Variants in DPH6 observed in about 807,000 individuals in gnomAD.
DPH6 encodes the protein diphthine--ammonia ligase.
Under a neutral mutation model 38.2 loss-of-function variants are expected in DPH6, and 33 were observed. The observed-to-expected ratio is 0.86, with a 90% CI of 0.65 to 1.15. The LOEUF is 1.15. Among genes scored for constraint, DPH6 ranks in the 50% most tolerant of loss-of-function variants. The pLI is 0.00. For missense variants in DPH6, 325 were observed against 320.0 expected (o/e 1.02, Z -0.12); for synonymous variants, 108 against 103.0 (o/e 1.05, Z -0.30).
chr15:35,289,276 G>C (rs546815371), intron 3 of DPH6, among the ~76,000 whole-genome samples: 13 of 152,230 alleles, frequency 8.5e-5, no homozygotes, highest in African/African-American at 3.1e-4. Flanking sequence ...TGGCCACATT[G>C]CTGAAATAAA....
intron 3 of DPH6, among the ~76,000 whole-genome samples, chr15:35,468,414 T>G (rs187464135): frequency 2.3e-3 from 355 of 152,312 alleles, no homozygotes; most frequent in African/African-American, 8.0e-3. Context: ...AGCCTCTGCC[T>G]CATAGTGCTT....
intron 3 of DPH6, among the ~76,000 whole-genome samples, chr15:35,295,664 C>T (rs763426279): frequency 3.3e-5 from 5 of 152,150 alleles, no homozygotes; most frequent in Non-Finnish European, 7.4e-5. Context: ...CACCCCACAC[C>T]AATCACTCAT....
intron 4 of DPH6, among the ~76,000 whole-genome samples, chr15:35,451,598 C>T (rs1049478214): frequency 1.3e-5 from 2 of 152,196 alleles, no homozygotes; most frequent in Admixed American, 6.5e-5. Context: ...AACACCACTG[C>T]TAACAACCTC....
At chr15:35,525,386 T>C (rs1043431874) in intron 3 of DPH6, among the ~76,000 whole-genome samples, 5 of 152,150 alleles carry the variant, frequency 3.3e-5, no homozygotes, top group Non-Finnish European at 7.4e-5. Flanking sequence ...GATCTTAATG[T>C]CTTCCTTGAG....
At chr15:35,545,004 T>C (rs1317031167) in intron 1 of DPH6, among the ~76,000 whole-genome samples, 2 of 152,174 alleles carry the variant, frequency 1.3e-5, no homozygotes, top group Non-Finnish European at 2.9e-5. Context: ...TATGGTCTAG[T>C]CTCCTAAAAA....
intron 3 of DPH6, among the ~76,000 whole-genome samples, chr15:35,468,920 T>G (rs771205691): frequency 1.3e-5 from 2 of 152,102 alleles, no homozygotes; most frequent in African/African-American, 2.4e-5. Context: ...GTACGAAAAT[T>G]AGCTGGGCAT....
At chr15:35,283,020 C>T (rs1223528702) in intron 3 of DPH6, 3 of 210,822 alleles carry the variant, frequency 1.4e-5, no homozygotes, top group African/African-American at 4.8e-5. Context: ...CTTCCTCTTC[C>T]TCTTCTTCCT....
chr15:35,538,786 T>C (rs970981274), intron 2 of DPH6, among the ~76,000 whole-genome samples: 23 of 152,154 alleles, frequency 1.5e-4, no homozygotes, highest in African/African-American at 5.5e-4. Flanking sequence ...GATTAGTTTA[T>C]TCAGTTAAAT....
the DPH6 span, among the ~76,000 whole-genome samples, chr15:35,147,236 C>T: frequency 1.3e-5 from 2 of 152,054 alleles, no homozygotes; most frequent in South Asian, 4.1e-4. Flanking sequence ...TAGAAATTGC[C>T]CAAAGTCTTG....
At chr15:35,261,990 CA>C (rs911622690) in intron 3 of DPH6, among the ~76,000 whole-genome samples, 30 of 152,198 alleles carry the variant, frequency 2.0e-4, no homozygotes, top group African/African-American at 6.0e-4. Flanking sequence ...TCAAAGGTGA[CA>C]GGGGTGGAGA....
chr15:35,243,464 C>T (rs1473548155), intron 3 of DPH6, among the ~76,000 whole-genome samples: 1 of 143,882 alleles, frequency 7.0e-6, no homozygotes, highest in Non-Finnish European at 1.5e-5. Flanking sequence ...CGTATATGCC[C>T]AGATGGCCTG....
At chr15:35,358,361 C>T (rs2052585744) in intron 3 of DPH6, among the ~76,000 whole-genome samples, 1 of 152,170 alleles carries the variant, frequency 6.6e-6, no homozygotes, top group African/African-American at 2.4e-5. Flanking sequence ...AGTAACTAAC[C>T]TCCTGAATTC....
At chr15:35,362,016 T>C (rs1380544377) in intron 3 of DPH6, among the ~76,000 whole-genome samples, 1 of 152,082 alleles carries the variant, frequency 6.6e-6, no homozygotes, top group Non-Finnish European at 1.5e-5. Context: ...ATGTGTCTTA[T>C]TTGTTACATT....
rs72708937 is a variant in DPH6 at position 35,306,620 on chromosome 15, G to A, written n.200+66901C>T. ...CACGTCTCTCAACCTGTTGATTTTG[G>A]CTTTGAATTTCATGATTGATTGCCC... On this transcript the variant is annotated intron_variant and non_coding_transcript_variant, in intron 3 of 3. Transcript: ENST00000560386. Among the ~76,000 whole-genome samples the A allele has an allele frequency of 2.8e-3, 430 of 152,304 alleles. 1 individual carries two copies. Among genetic ancestry groups the A allele is most frequent in the East Asian group, 5.0e-3 (26 of 5,186 alleles).
At chr15:35,424,419 A>C (rs2053543602) in intron 5 of DPH6, among the ~76,000 whole-genome samples, 2 of 150,276 alleles carry the variant, frequency 1.3e-5, no homozygotes, top group Admixed American at 6.6e-5. Context: ...ATATTCTGCA[A>C]CTTTACTGAA....
At chr15:35,184,690 G>T in the DPH6 span, among the ~76,000 whole-genome samples, 1 of 152,112 alleles carries the variant, frequency 6.6e-6, no homozygotes, top group South Asian at 2.1e-4. Flanking sequence ...GATGCAACTA[G>T]GTTCCAAGGG....
chr15:35,210,734 A>G, the DPH6 span, among the ~76,000 whole-genome samples: 4,357 of 152,208 alleles, frequency 0.029, 81 homozygotes, highest in Middle Eastern at 0.044. Flanking sequence ...ATCCTTGAGG[A>G]ACATTTAAAA....
chr15:35,434,992 T>C (rs1379719603), intron 5 of DPH6, among the ~76,000 whole-genome samples: 1 of 151,928 alleles, frequency 6.6e-6, no homozygotes, highest in South Asian at 2.1e-4. Context: ...CAAGCTGATC[T>C]TGAATTCCTA....
intron 6 of DPH6, among the ~76,000 whole-genome samples, chr15:35,389,559 C>G (rs1029626161): frequency 9.2e-5 from 14 of 152,330 alleles, no homozygotes; most frequent in Non-Finnish European, 2.1e-4. Context: ...GGATAGTTAG[C>G]TCTTCTTGTT....
Sources: gnomAD v4.1 joint callset for allele counts (sites outside exome capture counted in the v4.1 genomes callset) on GRCh38, gnomAD v4.1.1 for gene constraint, MANE v1.5 for transcripts, NCBI Gene and HGNC (gene_info 2026-07-23, HGNC 2026-07-21) for gene names.